NTN4: variants seen among roughly 807,000 people sequenced by gnomAD.
NTN4 encodes netrin-4.
A neutral mutation model predicts 73.6 loss-of-function variants in NTN4; 32 were observed. The ratio of observed to expected loss-of-function variants is 0.44; its 90% CI spans 0.33 to 0.58. NTN4 has a LOEUF of 0.58. Among genes scored for constraint, NTN4 ranks in the 20% least tolerant of loss-of-function variants. The pLI, the probability that NTN4 is intolerant of heterozygous loss-of-function variation, is 0.04. For missense variants in NTN4, 654 were observed against 798.3 expected, an observed-to-expected ratio of 0.82 and a Z score of 2.18; for synonymous variants, 258 against 287.5, an observed-to-expected ratio of 0.90 and a Z score of 1.04.
At chr12:95,691,417 A>G (rs911469050) in intron 5 of NTN4, among the ~76,000 whole-genome samples, 3 of 152,190 alleles carry the variant, frequency 2.0e-5, no homozygotes, top group Admixed American at 6.5e-5. Context: ...GTTTTTTGAG[A>G]CAGAGTCTTG....
chr12:95,718,496 T>A (rs141253768), intron 3 of NTN4, among the ~76,000 whole-genome samples: 1 of 152,242 alleles, frequency 6.6e-6, no homozygotes, highest in Non-Finnish European at 1.5e-5. Context: ...TAAGGTTCTA[T>A]GATTTCAAGG....
At chr12:95,659,314 G>C (rs2078117953) in intron 9 of NTN4, 92 bp from the exon 10 acceptor site, 1 of 988,636 alleles carries the variant, frequency 1.0e-6, no homozygotes, top group Non-Finnish European at 1.5e-6. Flanking sequence ...CATTTATTTT[G>C]AGACAAGGTC....
intron 3 of NTN4, among the ~76,000 whole-genome samples, chr12:95,719,397 A>T (rs749835529): frequency 2.6e-5 from 4 of 152,186 alleles, no homozygotes; most frequent in Non-Finnish European, 5.9e-5. Flanking sequence ...AGCTGCAGCA[A>T]TTCATGGACC....
chr12:95,749,705 C>T (rs925255026), intron 2 of NTN4, among the ~76,000 whole-genome samples: 2 of 152,198 alleles, frequency 1.3e-5, no homozygotes, highest in African/African-American at 4.8e-5. Context: ...GGACGCCTGC[C>T]TTGGTCCTTC....
At chr12:95,780,871 TC>T (rs1406324139) in intron 2 of NTN4, among the ~76,000 whole-genome samples, 4 of 152,220 alleles carry the variant, frequency 2.6e-5, no homozygotes, top group Non-Finnish European at 5.9e-5. Flanking sequence ...GCAGCACTAT[TC>T]ACAATAGCAA....
intron 9 of NTN4, among the ~76,000 whole-genome samples, chr12:95,660,531 A>T (rs144152720): frequency 3.6e-4 from 55 of 152,272 alleles, no homozygotes; most frequent in African/African-American, 1.3e-3. Context: ...CAAGCTTTAG[A>T]TAACAAATTT....
chr12:95,698,007 T>G (rs1454739449), intron 5 of NTN4, among the ~76,000 whole-genome samples: 1 of 152,200 alleles, frequency 6.6e-6, no homozygotes, highest in Non-Finnish European at 1.5e-5. Flanking sequence ...ACACAGCATT[T>G]ACATTGTATT....
intron 2 of NTN4, among the ~76,000 whole-genome samples, chr12:95,747,409 T>G (rs373511726): frequency 2.0e-5 from 3 of 152,304 alleles, no homozygotes; most frequent in Admixed American, 1.3e-4. Flanking sequence ...CTTGAACTAC[T>G]GGGCTCAAGT....
At chr12:95,678,349 TAAAAAA>T (rs59083360) in intron 7 of NTN4, among the ~76,000 whole-genome samples, 127 of 110,932 alleles carry the variant, frequency 1.1e-3, no homozygotes, top group Non-Finnish European at 1.8e-3. Context: ...GAACTTAAAG[TAAAAAA>T]AAAAAAAAAA....
chr12:95,743,453 T>G (rs1377945678), intron 2 of NTN4, among the ~76,000 whole-genome samples: 8 of 152,264 alleles, frequency 5.3e-5, no homozygotes, highest in Non-Finnish European at 1.0e-4. Context: ...TTTTAAGCTC[T>G]GTTGGACTTG....
intron 3 of NTN4, among the ~76,000 whole-genome samples, chr12:95,734,685 A>G (rs767135805): frequency 5.9e-5 from 9 of 152,196 alleles, no homozygotes; most frequent in Non-Finnish European, 1.3e-4. Flanking sequence ...TGTTCCTAAT[A>G]AGGCAAAAGG....
chr12:95,721,397 G>T (rs1275298865), intron 3 of NTN4, among the ~76,000 whole-genome samples: 1 of 152,080 alleles, frequency 6.6e-6, no homozygotes, highest in Non-Finnish European at 1.5e-5. Flanking sequence ...GGCAAGTAAG[G>T]GTAGAGAATA....
intron 9 of NTN4, among the ~76,000 whole-genome samples, chr12:95,661,806 G>C (rs77235041): frequency 0.042 from 6,313 of 151,066 alleles, 191 homozygotes; most frequent in Non-Finnish European, 0.066. Flanking sequence ...ATCTGACCTG[G>C]TTTCCTCAAC....
chr12:95,687,443 C>A (rs1036718875), intron 5 of NTN4, among the ~76,000 whole-genome samples: 3 of 151,156 alleles, frequency 2.0e-5, no homozygotes, highest in Admixed American at 6.6e-5. Context: ...CTTTACTGTC[C>A]AGGGTGTAGT....
rs1280282376 is a variant in NTN4, at chr12:95,658,295, G to T, written c.*791C>A. 1 of 152,074 alleles carries T rather than the reference G, an allele frequency of 6.6e-6. No individual in the cohort carries two copies. Among genetic ancestry groups the T allele is most frequent in the Non-Finnish European group, 1.5e-5 (1 of 68,008 alleles). The allele number at this position is 152,074 out of a possible 1,614,324, so 9.4% of individuals were successfully genotyped here. A position where few individuals can be genotyped will look rare whatever the true frequency, so the allele number is the denominator to read the frequency against. On this transcript the variant is annotated 3_prime_UTR_variant, in exon 10 of 10. Transcript: ENST00000343702. ...TTCTCTTATTTTAAAGTCTCTTCTG[G>T]TTTAGTTTTTTAAAAAGTTTCATCA...
chr12:95,659,885 T>A (rs1231709676), intron 9 of NTN4, among the ~76,000 whole-genome samples: 1 of 152,196 alleles, frequency 6.6e-6, no homozygotes, highest in Non-Finnish European at 1.5e-5. Context: ...TCCTTTGTAC[T>A]ATACCATGCT....
At chr12:95,752,373 A>G (rs1335275439) in intron 2 of NTN4, among the ~76,000 whole-genome samples, 42 of 149,718 alleles carry the variant, frequency 2.8e-4, no homozygotes, top group African/African-American at 9.4e-4. Context: ...CCTATCCTCA[A>G]TACCTGCCTC....
intron 2 of NTN4, among the ~76,000 whole-genome samples, chr12:95,763,765 T>C (rs1370127324): frequency 1.3e-5 from 2 of 152,260 alleles, no homozygotes; most frequent in Non-Finnish European, 2.9e-5. Flanking sequence ...GATTTTTCCA[T>C]AATGTAATAT....
In NTN4 at chr12:95,735,903, ATTTTTATTTATTTATT is replaced by A. The variant is rs1210925436; in HGVS notation, c.864+1947_864+1962del. Among the ~76,000 whole-genome samples, 297 of 141,460 alleles carry A rather than the reference ATTTTTATTTATTTATT, an allele frequency of 2.1e-3. 1 individual carries two copies. Among genetic ancestry groups the A allele is most frequent in the Non-Finnish European group, 2.8e-3 (184 of 65,974 alleles). 92.8% of individuals were successfully genotyped at this position (141,460 alleles called of 152,430 possible). On this transcript the variant is annotated intron_variant, in intron 3 of 9. Transcript: ENST00000343702. ...AATGCCTGCTCATGATTTTTTTTAA[ATTTTTATTTATTTATT>A]TATTTATTTATTTATTTATTTATTT...
Sources: allele counts gnomAD v4.1 joint callset (sites outside exome capture counted in the v4.1 genomes callset), GRCh38; gene constraint gnomAD v4.1.1; transcripts MANE v1.5; gene names NCBI Gene and HGNC (gene_info 2026-07-23, HGNC 2026-07-21).